Variants in VEGFC observed in about 807,000 individuals in gnomAD.
The protein encoded by VEGFC is vascular endothelial growth factor C, also known as FLT4 ligand DHM.
Under a neutral mutation model 46.1 loss-of-function variants are expected in VEGFC, and 12 were observed. The ratio of observed to expected loss-of-function variants is 0.26; its 90% CI spans 0.17 to 0.42. The LOEUF (loss-of-function observed/expected upper bound fraction) is 0.42, where lower values mean the gene tolerates loss of function less well. Among genes scored for constraint, VEGFC ranks in the 10% least tolerant of loss-of-function variants. The pLI, the probability that VEGFC is intolerant of heterozygous loss-of-function variation, is 1.00. For synonymous variants in VEGFC, 232 were observed against 195.5 expected (o/e 1.19, Z -1.56); for missense variants, 488 against 529.4 (o/e 0.92, Z 0.77).
intron 1 of VEGFC, among the ~76,000 whole-genome samples, chr4:176,789,923 C>A (rs559473830): frequency 6.6e-6 from 1 of 152,200 alleles, no homozygotes; most frequent in South Asian, 2.1e-4. Flanking sequence ...AACATTGCAT[C>A]TATTGGGATT....
intron 4 of VEGFC, among the ~76,000 whole-genome samples, chr4:176,691,832 C>T (rs1734185648): frequency 6.6e-6 from 1 of 152,214 alleles, no homozygotes; most frequent in African/African-American, 2.4e-5. Context: ...CGGTCTACAG[C>T]TCCCAGCCTG....
intron 3 of VEGFC, among the ~76,000 whole-genome samples, chr4:176,719,650 T>C (rs369223907): frequency 6.6e-6 from 1 of 152,200 alleles, no homozygotes; most frequent in African/African-American, 2.4e-5. Flanking sequence ...GTTAGTTCCA[T>C]AGGGCAGGAT....
intron 1 of VEGFC, among the ~76,000 whole-genome samples, chr4:176,751,178 GA>G (rs749988260): frequency 6.6e-6 from 1 of 151,706 alleles, no homozygotes; most frequent in Non-Finnish European, 1.5e-5. Context: ...ATAAAATAGT[GA>G]AATATAAACA....
rs2110966050 is a variant in VEGFC, at chr4:176,792,881, TGAGCGGCGGCGGC to T, written c.-583_-571del. 6.9e-6 allele frequency among the ~76,000 whole-genome samples: 1 copy of T among 145,732 alleles called. No homozygotes were observed. The highest frequency in any genetic ancestry group is 2.5e-5 in the African/African-American group (1 of 40,036). On this transcript the variant is annotated 5_prime_UTR_variant, in exon 1 of 7. An upstream open reading frame in the 5' UTR loses its in-frame stop. Coordinates refer to ENST00000618562, the MANE Select transcript of VEGFC (RefSeq NM_005429.5). The surrounding 1 kb of genome is among the most constrained non-coding windows in gnomAD (Gnocchi z 6.3). ...CAGGATCCTCCAGAGCGCGCCGGGC[TGAGCGGCGGCGGC>T]GGCGGCGGCGGGCGCAGGGGCAGGG...
At chr4:176,711,405 A>T (rs1734617024) in intron 4 of VEGFC, 94 bp downstream of exon 4, 1 of 1,388,404 alleles carries the variant, frequency 7.2e-7, no homozygotes, top group South Asian at 1.6e-5. Context: ...ATTACAGTAA[A>T]TTTCACAGAG....
At chr4:176,742,727 C>A (rs1283647117) in intron 1 of VEGFC, among the ~76,000 whole-genome samples, 1 of 151,998 alleles carries the variant, frequency 6.6e-6, no homozygotes, top group Non-Finnish European at 1.5e-5. Flanking sequence ...CATCTTTATA[C>A]ATTTTCTTAA....
intron 1 of VEGFC, among the ~76,000 whole-genome samples, chr4:176,784,073 T>TTTTG (rs1202111628): frequency 5.3e-5 from 8 of 150,276 alleles, no homozygotes; most frequent in South Asian, 2.1e-4. Flanking sequence ...GTTTTTTTTT[T>TTTTG]TTTTTTTTTG....
intron 1 of VEGFC, among the ~76,000 whole-genome samples, chr4:176,788,070 A>C (rs1294466518): frequency 6.6e-6 from 1 of 152,202 alleles, no homozygotes; most frequent in East Asian, 1.9e-4. Context: ...TGCCAACTTA[A>C]ATTTGTTCTT....
intron 4 of VEGFC, among the ~76,000 whole-genome samples, chr4:176,700,841 T>C (rs1028626704): frequency 2.6e-5 from 4 of 152,072 alleles, no homozygotes; most frequent in African/African-American, 9.7e-5. Context: ...CAGCCATACG[T>C]CATTAACAGA....
chr4:176,787,598 T>C (rs1290184316), intron 1 of VEGFC, among the ~76,000 whole-genome samples: 1 of 152,090 alleles, frequency 6.6e-6, no homozygotes, highest in East Asian at 1.9e-4. Context: ...ACTAATCCAC[T>C]GACAAAGCAT....
intron 4 of VEGFC, among the ~76,000 whole-genome samples, chr4:176,693,559 T>C (rs1403941142): frequency 2.1e-5 from 3 of 143,424 alleles, no homozygotes; most frequent in African/African-American, 8.5e-5. Context: ...CTCTGCAGGA[T>C]ATTATCCAGG....
intron 1 of VEGFC, among the ~76,000 whole-genome samples, chr4:176,774,028 C>A (rs1373334443): frequency 1.3e-5 from 2 of 151,782 alleles, no homozygotes; most frequent in African/African-American, 2.4e-5. Context: ...CTTTAGAAGT[C>A]CAGAAAATTC....
chr4:176,790,718 T>C (rs2110961485), intron 1 of VEGFC, among the ~76,000 whole-genome samples: 1 of 152,296 alleles, frequency 6.6e-6, no homozygotes, highest in African/African-American at 2.4e-5. Flanking sequence ...AAATCATACT[T>C]TTACTAGTTT....
intron 1 of VEGFC, among the ~76,000 whole-genome samples, chr4:176,787,905 A>T (rs1736030344): frequency 6.6e-6 from 1 of 152,254 alleles, no homozygotes; most frequent in Non-Finnish European, 1.5e-5. Flanking sequence ...TGATAACTTA[A>T]TCCACAATTT....
intron 1 of VEGFC, among the ~76,000 whole-genome samples, chr4:176,733,073 C>T (rs1221488004): frequency 6.6e-6 from 1 of 151,874 alleles, no homozygotes; most frequent in Non-Finnish European, 1.5e-5. Context: ...TAAGACACCA[C>T]TCCACACCCA....
At chr4:176,697,470 A>T (rs1036566057) in intron 4 of VEGFC, among the ~76,000 whole-genome samples, 1 of 152,330 alleles carries the variant, frequency 6.6e-6, no homozygotes, top group African/African-American at 2.4e-5. Context: ...GCAATCATTC[A>T]AAAGTCAGGA....
intron 1 of VEGFC, among the ~76,000 whole-genome samples, chr4:176,779,892 T>C (rs918555454): frequency 1.3e-5 from 2 of 152,332 alleles, no homozygotes; most frequent in African/African-American, 4.8e-5. Context: ...AAATCATGTG[T>C]CTTCAGAACT....
intron 1 of VEGFC, among the ~76,000 whole-genome samples, chr4:176,791,595 C>G (rs1736094463): frequency 6.6e-6 from 1 of 150,442 alleles, no homozygotes; most frequent in Non-Finnish European, 1.5e-5. Context: ...CTAACTGACT[C>G]TAATCTCCCG....
At chr4:176,715,037 T>G (rs1282658486) in intron 3 of VEGFC, among the ~76,000 whole-genome samples, 3 of 149,940 alleles carry the variant, frequency 2.0e-5, no homozygotes, top group Non-Finnish European at 4.4e-5. Flanking sequence ...TCCTCTAAGT[T>G]GAAGACTTTT....
Sources: allele counts gnomAD v4.1 joint callset (sites outside exome capture counted in the v4.1 genomes callset), GRCh38; gene constraint gnomAD v4.1.1; non-coding constraint Gnocchi (gnomAD v3.1); transcripts MANE v1.5; gene names NCBI Gene and HGNC (gene_info 2026-07-23, HGNC 2026-07-21).